Variants in MON2 observed in about 807,000 individuals in gnomAD.
MON2 encodes the protein protein MON2 homolog.
Under a neutral mutation model 208.6 loss-of-function variants are expected in MON2, and 84 were observed. That is an observed-to-expected ratio of 0.40 (90% CI 0.34 to 0.48). MON2 has a LOEUF of 0.48. Ranked by LOEUF, MON2 falls within the 20% of genes least tolerant of loss-of-function variation. The probability of loss-of-function intolerance (pLI) is 0.59; values close to 1 mark genes in which losing one functional copy is unlikely to be tolerated. For synonymous variants in MON2, 660 were observed against 694.0 expected (o/e 0.95, Z 0.77); for missense variants, 1,611 against 2,015.4 (o/e 0.80, Z 3.84).
chr12:62,534,518 C>CAAAA (rs869145698), intron 12 of MON2, among the ~76,000 whole-genome samples: 14 of 67,442 alleles, frequency 2.1e-4, no homozygotes, highest in Admixed American at 5.0e-4. Flanking sequence ...GACTCCATCG[C>CAAAA]AAAAAAAAAA....
At chr12:62,524,670 A>C in intron 9 of MON2, 31 bp downstream of exon 9, 6 of 1,604,188 alleles carry the variant, frequency 3.7e-6, no homozygotes, top group Non-Finnish European at 5.1e-6. Flanking sequence ...TGTTAAATAG[A>C]TAGGTTAATG....
chr12:62,474,447 C>T (rs574375753), intron 1 of MON2, among the ~76,000 whole-genome samples: 69 of 149,740 alleles, frequency 4.6e-4, no homozygotes, highest in Middle Eastern at 3.7e-3. Flanking sequence ...TCTTTTGAGA[C>T]GAGTTTCACT....
At chr12:62,547,677 A>G (rs1328948065) in intron 22 of MON2, among the ~76,000 whole-genome samples, 1 of 152,216 alleles carries the variant, frequency 6.6e-6, no homozygotes, top group East Asian at 1.9e-4. Flanking sequence ...GTTTCAGTCA[A>G]CAACAGACCA....
intron 1 of MON2, among the ~76,000 whole-genome samples, chr12:62,477,539 C>T (rs989326398): frequency 1.3e-5 from 2 of 151,680 alleles, no homozygotes; most frequent in African/African-American, 2.4e-5. Context: ...CTCAGCCTCT[C>T]GAGTATCTGA....
At chr12:62,520,943 C>G (rs1592943632) in intron 8 of MON2, among the ~76,000 whole-genome samples, 1 of 147,210 alleles carries the variant, frequency 6.8e-6, no homozygotes, top group Non-Finnish European at 1.5e-5. Context: ...TCAGATTTAA[C>G]AAAATCAATC....
intron 2 of MON2, among the ~76,000 whole-genome samples, chr12:62,492,244 T>C (rs1158050615): frequency 1.3e-5 from 2 of 152,234 alleles, no homozygotes; most frequent in Non-Finnish European, 2.9e-5. Flanking sequence ...TGGTTTTACA[T>C]TTTTAATGGT....
chr12:62,578,601 A>AGG, intron 31 of MON2, 96 bp downstream of exon 31: 3 of 748,118 alleles, frequency 4.0e-6, no homozygotes, highest in Non-Finnish European at 6.4e-6. Flanking sequence ...ATAAAGTAAT[A>AGG]GGTTAAGATT....
intron 11 of MON2, among the ~76,000 whole-genome samples, chr12:62,529,870 T>C (rs571953985): frequency 1.2e-4 from 18 of 152,334 alleles, no homozygotes; most frequent in African/African-American, 4.3e-4. Context: ...AACTGTTATG[T>C]AATAAATGTA....
intron 1 of MON2, among the ~76,000 whole-genome samples, chr12:62,478,121 TTGTGTGTG>T (rs59861392): frequency 1.2e-4 from 18 of 149,794 alleles, no homozygotes; most frequent in African/African-American, 2.5e-4. Context: ...TAGATATAAT[TTGTGTGTG>T]TGTGTGTGTG....
chr12:62,487,361 T>G (rs1025683849), intron 2 of MON2, among the ~76,000 whole-genome samples: 2 of 152,160 alleles, frequency 1.3e-5, no homozygotes, highest in African/African-American at 4.8e-5. Flanking sequence ...ATCTGCTTTT[T>G]GCATAAATTT....
At chr12:62,577,016 T>C (rs1016159513) in intron 30 of MON2, among the ~76,000 whole-genome samples, 11 of 151,842 alleles carry the variant, frequency 7.2e-5, no homozygotes, top group Non-Finnish European at 1.5e-4. Flanking sequence ...ATTATTTTAT[T>C]ATTTTTGCCT....
At position 62,467,001 on chromosome 12, in the gene MON2, G is replaced by T. The variant is rs1046767612; in HGVS notation, c.-207G>T. ...GAGCCTAGCGGGACGGTGCGACTGC[G>T]GGGGGCGCCTCCGAGAAAAGCCAGA... On this transcript the variant is annotated 5_prime_UTR_variant, in exon 1 of 35. Transcript: ENST00000393630. 4.2e-5 allele frequency: 22 copies of T among 524,002 alleles called. No homozygotes were observed. Among genetic ancestry groups the T allele is most frequent in the Non-Finnish European group, 7.5e-5 (22 of 295,214 alleles). 32.5% of individuals were successfully genotyped at this position (524,002 alleles called of 1,614,324 possible). A position where few individuals can be genotyped will look rare whatever the true frequency, so the allele number is the denominator to read the frequency against.
chr12:62,501,460 G>GCAA (rs2070828096), intron 6 of MON2, 113 bp from the exon 7 acceptor site: 1 of 1,260,992 alleles, frequency 7.9e-7, no homozygotes, highest in Non-Finnish European at 1.1e-6. Context: ...TTTCTAAGGA[G>GCAA]CAAAAACATG....
rs1051524136 is a variant in MON2 at position 62,595,981 on chromosome 12, A to G, written c.*3232A>G. 2 of 152,236 alleles carry G rather than the reference A, an allele frequency of 1.3e-5. No homozygotes were observed. The highest frequency in any genetic ancestry group is 2.9e-5 in the Non-Finnish European group (2 of 68,038). The allele number at this position is 152,236 out of a possible 1,614,324, so 9.4% of individuals were successfully genotyped here. On this transcript the variant is annotated 3_prime_UTR_variant, in exon 35 of 35. Transcript: ENST00000393630. ...TAGTGTAGATATTTTATTCTGGAGA[A>G]TAATATTCAATTAAATTATTTCTAC... is the stretch of plus-strand genomic sequence containing the variant.
At chr12:62,506,922 G>A (rs888305411) in intron 7 of MON2, among the ~76,000 whole-genome samples, 1 of 152,078 alleles carries the variant, frequency 6.6e-6, no homozygotes, top group Non-Finnish European at 1.5e-5. Flanking sequence ...TACAGCCTAG[G>A]CCTTATATTG....
intron 9 of MON2, 99 bp downstream of exon 9, chr12:62,524,738 G>A (rs2072246280): frequency 8.5e-7 from 1 of 1,177,462 alleles, no homozygotes; most frequent in African/African-American, 1.5e-5. Flanking sequence ...AAGACTTTTG[G>A]TATTTATTCC....
At chr12:62,541,010 G>A (rs911755577) in intron 19 of MON2, among the ~76,000 whole-genome samples, 9 of 152,186 alleles carry the variant, frequency 5.9e-5, no homozygotes, top group Admixed American at 1.3e-4. Context: ...CTTTAGGTGT[G>A]GCTTTACAGT....
At chr12:62,534,543 A>ATATATATATATATAT (rs2072849341) in intron 12 of MON2, among the ~76,000 whole-genome samples, 5 of 21,920 alleles carry the variant, frequency 2.3e-4, no homozygotes, top group African/African-American at 9.5e-4. Context: ...AAAAAAAAAA[A>ATATATATATATATAT]TATATATATA....
chr12:62,526,700 CTGAT>C (rs1164859671), intron 11 of MON2, among the ~76,000 whole-genome samples: 1 of 152,096 alleles, frequency 6.6e-6, no homozygotes, highest in African/African-American at 2.4e-5. Context: ...TAATGTATTA[CTGAT>C]TTTTTCTTAA....
Sources: allele counts gnomAD v4.1 joint callset (sites outside exome capture counted in the v4.1 genomes callset), GRCh38; gene constraint gnomAD v4.1.1; transcripts MANE v1.5; gene names NCBI Gene and HGNC (gene_info 2026-07-23, HGNC 2026-07-21).